The following MMP26 variants were observed in gnomAD, a reference collection of about 807,000 sequenced individuals.
MMP26 encodes matrix metalloproteinase-26.
A neutral mutation model predicts 31.0 loss-of-function variants in MMP26; 33 were observed. That is an observed-to-expected ratio of 1.06 (90% CI 0.81 to 1.42). The LOEUF (loss-of-function observed/expected upper bound fraction) is 1.42, where lower values mean the gene tolerates loss of function less well. MMP26 is among the 40% of genes most tolerant of loss of function. MMP26 has a pLI of 0.00. For missense variants in MMP26, 347 were observed against 316.1 expected, an observed-to-expected ratio of 1.10 and a Z score of -0.74; for synonymous variants, 122 against 114.9, an observed-to-expected ratio of 1.06 and a Z score of -0.40.
In MMP26 at chr11:4,909,911, A is replaced by G. The variant is rs1850963723; in HGVS notation, c.-144-78157A>G. On this transcript the variant is annotated intron_variant, in intron 2 of 7. Transcript: ENST00000380390. ...TCTCTGTCTTACGCTTCAACAGAGT[A>G]ACATAAAGACATCATGTTACTTATA... Among the ~76,000 whole-genome samples the G allele has an allele frequency of 2.0e-5, 3 of 152,142 alleles. No individual in the cohort carries two copies. The South Asian group carries it at 6.2e-4, about 32-fold the overall frequency.
chr11:4,769,452 C>G, intron 2 of MMP26: 2 of 1,612,494 alleles, frequency 1.2e-6, no homozygotes, highest in South Asian at 1.1e-5. Context: ...AATATTAGTA[C>G]TATAGCACGT....
chr11:4,936,494 C>G (rs1298815460), intron 2 of MMP26, among the ~76,000 whole-genome samples: 4 of 152,020 alleles, frequency 2.6e-5, no homozygotes, highest in African/African-American at 9.7e-5. Flanking sequence ...GTTTAAAAGT[C>G]TATTTAGGCT....
chr11:4,791,455 C>A (rs1393180441), intron 2 of MMP26, among the ~76,000 whole-genome samples: 1 of 151,894 alleles, frequency 6.6e-6, no homozygotes, highest in Non-Finnish European at 1.5e-5. Context: ...TGAGGTCTTG[C>A]CCTCATCTCT....
At chr11:4,988,002 A>G in intron 2 of MMP26, 66 bp from the exon 3 acceptor site, 1 of 605,012 alleles carries the variant, frequency 1.7e-6, no homozygotes, top group Non-Finnish European at 3.0e-6. Flanking sequence ...GTGTGAACTG[A>G]GCTTAAAAAT....
At chr11:4,723,792 C>T in intron 1 of MMP26, 1 of 1,569,080 alleles carries the variant, frequency 6.4e-7, no homozygotes, top group Non-Finnish European at 8.7e-7. Context: ...TCTTCTGCTG[C>T]TGCAGGAGGC....
At chr11:4,826,452 A>T (rs1849579363) in intron 2 of MMP26, among the ~76,000 whole-genome samples, 1 of 152,088 alleles carries the variant, frequency 6.6e-6, no homozygotes, top group Admixed American at 6.6e-5. Context: ...CTGGCCTATT[A>T]TGCCTATGGT....
At chr11:4,750,648 C>T (rs1848436067) in intron 1 of MMP26, among the ~76,000 whole-genome samples, 1 of 151,920 alleles carries the variant, frequency 6.6e-6, no homozygotes, top group Non-Finnish European at 1.5e-5. Flanking sequence ...AGGACATTAT[C>T]TTAAATGAAA....
rs1251935230 is a variant in MMP26, at chr11:4,769,434, G to A, written c.-145+2093G>A. On this transcript the variant is annotated intron_variant, in intron 2 of 7. Transcript: ENST00000380390. Reference sequence around the variant, plus strand: ...AAATAGAGAGGCTTAAGGAGCAAAAGTAGTGGCAATATTAGTACTATAGCA... The same window carrying A: ...AAATAGAGAGGCTTAAGGAGCAAAAATAGTGGCAATATTAGTACTATAGCA... 6 of 1,613,532 alleles carry A rather than the reference G, an allele frequency of 3.7e-6. No individual in the cohort carries two copies. The Admixed American group carries it at 1.0e-4, about 27-fold the overall frequency.
chr11:4,891,073 GA>G (rs1850614468), intron 2 of MMP26, among the ~76,000 whole-genome samples: 1 of 151,340 alleles, frequency 6.6e-6, no homozygotes, highest in Non-Finnish European at 1.5e-5. Flanking sequence ...TAGTTTTGAA[GA>G]ATGAAGAAAA....
intron 2 of MMP26, among the ~76,000 whole-genome samples, chr11:4,901,921 A>G (rs1850808636): frequency 6.6e-6 from 1 of 152,240 alleles, no homozygotes; most frequent in African/African-American, 2.4e-5. Flanking sequence ...ATTATAGAAG[A>G]TGGAAGAGAA....
chr11:4,945,781 T>C, intron 2 of MMP26: 1 of 268,666 alleles, frequency 3.7e-6, no homozygotes, highest in South Asian at 4.4e-5. Flanking sequence ...ATGATTAAAA[T>C]GGATAAAGAG....
intron 2 of MMP26, among the ~76,000 whole-genome samples, chr11:4,929,832 A>G (rs561612457): frequency 1.2e-3 from 186 of 152,282 alleles, no homozygotes; most frequent in African/African-American, 3.3e-3. Flanking sequence ...TCTGTAAAAC[A>G]CTTAACCTTA....
chr11:4,804,254 C>T, intron 2 of MMP26: 6 of 1,613,872 alleles, frequency 3.7e-6, no homozygotes, highest in Non-Finnish European at 5.1e-6. Flanking sequence ...ATATTTCCAA[C>T]AACAGCCACA....
chr11:4,824,673 C>A (rs370301839), intron 2 of MMP26, among the ~76,000 whole-genome samples: 12 of 152,218 alleles, frequency 7.9e-5, no homozygotes, highest in African/African-American at 2.6e-4. Flanking sequence ...GTCAACTTCC[C>A]TGATATTTCT....
intron 1 of MMP26, among the ~76,000 whole-genome samples, chr11:4,737,473 G>A (rs187628873): frequency 2.6e-5 from 4 of 152,208 alleles, no homozygotes; most frequent in Admixed American, 6.5e-5. Flanking sequence ...GAGAAACTCC[G>A]TCTCTACTAA....
chr11:4,949,005 CTCATTGGCTCAATGTTCATGTGT>C (rs1853153847), intron 2 of MMP26, among the ~76,000 whole-genome samples: 1 of 124,222 alleles, frequency 8.1e-6, no homozygotes, highest in South Asian at 2.4e-4. Flanking sequence ...AGGACATGTG[CTCATTGGCTCAATGTTCATGTGT>C]TCATTGGCTC....
At chr11:4,985,994 C>T (rs1239550881) in intron 2 of MMP26, among the ~76,000 whole-genome samples, 1 of 152,184 alleles carries the variant, frequency 6.6e-6, no homozygotes, top group East Asian at 1.9e-4. Context: ...TTTAATTCAA[C>T]ATGTTTTTAA....
intron 2 of MMP26, among the ~76,000 whole-genome samples, chr11:4,883,850 C>T (rs545024382): frequency 3.9e-5 from 6 of 152,198 alleles, no homozygotes; most frequent in African/African-American, 1.2e-4. Context: ...GATAATTCTT[C>T]ACATTTTTTT....
intron 2 of MMP26, among the ~76,000 whole-genome samples, chr11:4,829,594 C>A (rs776635680): frequency 1.9e-4 from 29 of 152,242 alleles, no homozygotes; most frequent in Middle Eastern, 6.8e-3. Flanking sequence ...CATGCTGTGA[C>A]CCTGGGCATT....
Sources: gnomAD v4.1 joint callset for allele counts (sites outside exome capture counted in the v4.1 genomes callset) on GRCh38, gnomAD v4.1.1 for gene constraint, MANE v1.5 for transcripts, NCBI Gene and HGNC (gene_info 2026-07-23, HGNC 2026-07-21) for gene names.